Variants in PTCHD1 observed in about 807,000 individuals in gnomAD.
The protein encoded by PTCHD1 is patched domain containing 1.
A neutral mutation model predicts 34.6 loss-of-function variants in PTCHD1; 3 were observed. That is an observed-to-expected ratio of 0.09 (90% CI 0.04 to 0.22). The LOEUF (loss-of-function observed/expected upper bound fraction) is 0.22, where lower values mean the gene tolerates loss of function less well. Among genes scored for constraint, PTCHD1 ranks in the 10% least tolerant of loss-of-function variants. The pLI is 1.00. For synonymous variants in PTCHD1, 305 were observed against 283.1 expected (o/e 1.08, Z -0.77); for missense variants, 504 against 685.5 (o/e 0.74, Z 2.96).
intron 2 of PTCHD1, among the ~76,000 whole-genome samples, chrX:23,386,116 CA>C (rs1922681597): frequency 9.0e-6 from 1 of 110,897 alleles, no homozygotes; most frequent in South Asian, 3.7e-4. Context: ...GTTTATATAT[CA>C]CATTTGTATT....
rs1172802447 is a variant in PTCHD1 at position 23,393,466 on chromosome X, G to A, written c.1948G>A (p.Val650Met). 2 of 1,210,364 alleles carry A rather than the reference G, an allele frequency of 1.7e-6. No homozygotes were observed. The highest frequency in any genetic ancestry group is 1.1e-6 in the Non-Finnish European group (1 of 894,272). Reference protein sequence around the residue: ...VDVVASRMFLVAKTMETNREE... With the variant: ...VDVVASRMFLMAKTMETNREE... ...TGTAGTGGCCTCCAGAATGTTTTTG[G>A]TGGCCAAGACCATGGAAACAAACAG... Residue 650 changes from valine (V) to methionine (M), a missense_variant, in exon 3 of 3, where the codon GTG becomes ATG. Coordinates refer to ENST00000379361, the MANE Select transcript of PTCHD1 (RefSeq NM_173495.3).
At chrX:23,374,389 G>C (rs1050749872) in intron 1 of PTCHD1, among the ~76,000 whole-genome samples, 3 of 106,872 alleles carry the variant, frequency 2.8e-5, no homozygotes, top group South Asian at 8.5e-4. Flanking sequence ...CTCAGGAGCA[G>C]ATACATCCTT....
intron 1 of PTCHD1, among the ~76,000 whole-genome samples, chrX:23,376,741 C>T (rs897147171): frequency 8.9e-6 from 1 of 111,919 alleles, no homozygotes; most frequent in Non-Finnish European, 1.9e-5. Context: ...CCTACAGATT[C>T]CCCCTGCTAG....
rs760490881 is a variant in PTCHD1, at chrX:23,364,832, C to T, written c.352-14759C>T. On this transcript the variant is annotated intron_variant, in intron 1 of 2. Transcript: ENST00000379361. ...TGAGACCTTACCTGTTGAGATGATC[C>T]GGAAGGTTGCAAAGAGGCTTCTAAC... Among the ~76,000 whole-genome samples, 49 of 112,505 alleles carry T rather than the reference C, an allele frequency of 4.4e-4. 1 individual carries two copies. The highest frequency in any genetic ancestry group is 8.8e-4 in the Non-Finnish European group (47 of 53,283).
chrX:23,401,084 T>C lies in PTCHD1; in HGVS notation c.*6899T>C. 9.0e-6 allele frequency: 1 copy of C among 110,627 alleles called. No individual in the cohort carries two copies. The highest frequency in any genetic ancestry group is 1.9e-5 in the Non-Finnish European group (1 of 52,996). The allele number at this position is 110,627 out of a possible 1,213,427, so 9.1% of individuals were successfully genotyped here. ...TTAGTAGAGATGGGGTTTCACCGTGTTACCCATGATAGTCTCGATCTCCTA... is the reference window on the plus strand; with the variant it reads ...TTAGTAGAGATGGGGTTTCACCGTGCTACCCATGATAGTCTCGATCTCCTA... On this transcript the variant is annotated 3_prime_UTR_variant, in exon 3 of 3. Coordinates refer to ENST00000379361, the MANE Select transcript of PTCHD1 (RefSeq NM_173495.3).
At position 23,381,649 on chromosome X, in the gene PTCHD1, G is replaced by T. The variant is rs1032974948; in HGVS notation, c.1012+1398G>T. ...TCGATTCTCTGTGGCCCGAGGAATTGAAACCTAGTCAATAAACATATACTA... is the reference window on the plus strand; with the variant it reads ...TCGATTCTCTGTGGCCCGAGGAATTTAAACCTAGTCAATAAACATATACTA... On this transcript the variant is annotated intron_variant, in intron 2 of 2. Coordinates refer to ENST00000379361, the MANE Select transcript of PTCHD1 (RefSeq NM_173495.3). 7.1e-5 allele frequency among the ~76,000 whole-genome samples: 8 copies of T among 111,898 alleles called. No homozygotes were observed. In the Admixed American group the frequency reaches 7.6e-4, roughly 11 times the overall value.
At chrX:23,351,253 C>G (rs762022271) in intron 1 of PTCHD1, 4 of 779,978 alleles carry the variant, frequency 5.1e-6, no homozygotes, top group East Asian at 3.2e-5. Context: ...TAATGCTGCT[C>G]TATCCTCAGT....
At chrX:23,374,403 C>T (rs1460602561) in intron 1 of PTCHD1, among the ~76,000 whole-genome samples, 1 of 109,754 alleles carries the variant, frequency 9.1e-6, no homozygotes, top group Admixed American at 9.7e-5. Context: ...CATCCTTCCT[C>T]CCTTCTGTAC....
In PTCHD1 at chrX:23,358,588, T is replaced by C. The variant is rs1478852887; in HGVS notation, c.352-21003T>C. Among the ~76,000 whole-genome samples, 3 of 112,114 alleles carry C rather than the reference T, an allele frequency of 2.7e-5. No individual in the cohort carries two copies. In the Admixed American group the frequency reaches 2.8e-4, roughly 11 times the overall value. ...GTAAATTGCAAAAATTTTCTCCCAT[T>C]CTATAGGTTGCCTGTTCATTCTGAT... is the stretch of plus-strand genomic sequence containing the variant. On this transcript the variant is annotated intron_variant, in intron 1 of 2. Transcript: ENST00000379361.
At chrX:23,367,999 G>T (rs772842647) in intron 1 of PTCHD1, among the ~76,000 whole-genome samples, 1 of 110,555 alleles carries the variant, frequency 9.0e-6, no homozygotes, top group Non-Finnish European at 1.9e-5. Flanking sequence ...AAGTGTTCCA[G>T]TTTGGATGAT....
At chrX:23,336,375 G>A (rs1238563548) in intron 1 of PTCHD1, among the ~76,000 whole-genome samples, 1 of 111,294 alleles carries the variant, frequency 9.0e-6, no homozygotes, top group Non-Finnish European at 1.9e-5. Flanking sequence ...GAAGGTGATC[G>A]TTTTGTGTGA....
intron 1 of PTCHD1, among the ~76,000 whole-genome samples, chrX:23,362,044 T>C (rs1394578971): frequency 1.3e-4 from 15 of 112,541 alleles, no homozygotes; most frequent in African/African-American, 4.5e-4. Flanking sequence ...GGCTTCCCTT[T>C]GTGGGTAACC....
chrX:23,392,074 CTTT>C (rs763041195), intron 2 of PTCHD1, among the ~76,000 whole-genome samples: 1 of 52,349 alleles, frequency 1.9e-5, no homozygotes. Flanking sequence ...TTCTTTCTTT[CTTT>C]TTTTTTTTTT....
At chrX:23,351,862 C>CT (rs1342208509) in intron 1 of PTCHD1, among the ~76,000 whole-genome samples, 1 of 111,998 alleles carries the variant, frequency 8.9e-6, no homozygotes, top group Non-Finnish European at 1.9e-5. Context: ...ACAAATCACT[C>CT]TTTGAGGTAT....
intron 1 of PTCHD1, among the ~76,000 whole-genome samples, chrX:23,370,690 C>T (rs946619617): frequency 8.9e-6 from 1 of 111,846 alleles, no homozygotes; most frequent in African/African-American, 3.3e-5. Flanking sequence ...CCATTAGAAA[C>T]ATAGCAAATC....
In PTCHD1 at chrX:23,364,371, GACACACACACAC is replaced by G. The variant is rs200572986; in HGVS notation, c.352-15187_352-15176del. Among the ~76,000 whole-genome samples the G allele has an allele frequency of 4.1e-3, 381 of 91,996 alleles. 3 individuals are homozygous for G. The highest frequency in any genetic ancestry group is 0.034 in the Admixed American group (284 of 8,264). The allele number at this position is 91,996 out of a possible 115,157, so 79.9% of individuals were successfully genotyped here. On this transcript the variant is annotated intron_variant, in intron 1 of 2. Transcript: ENST00000379361. The stretch of plus-strand genomic sequence containing the variant: ...TCATACCTTAATTATGAAGAGTGTA[GACACACACACAC>G]ACACACACACACACACACACACACA...
At chrX:23,391,306 G>C (rs912071191) in intron 2 of PTCHD1, among the ~76,000 whole-genome samples, 20 of 111,553 alleles carry the variant, frequency 1.8e-4, no homozygotes, top group African/African-American at 5.9e-4. Flanking sequence ...GAAGCTAGCA[G>C]AGTCGCTGCT....
intron 1 of PTCHD1, among the ~76,000 whole-genome samples, chrX:23,350,239 A>T (rs1204919232): frequency 9.0e-6 from 1 of 110,933 alleles, no homozygotes; most frequent in Admixed American, 9.6e-5. Context: ...GCATTTCTCA[A>T]ATCTATTTGA....
At chrX:23,366,790 T>G (rs1016972408) in intron 1 of PTCHD1, among the ~76,000 whole-genome samples, 2 of 111,455 alleles carry the variant, frequency 1.8e-5, no homozygotes, top group Non-Finnish European at 3.8e-5. Flanking sequence ...CTCACATGGC[T>G]TCAGGTAAGA....
Sources: allele counts gnomAD v4.1 joint callset (sites outside exome capture counted in the v4.1 genomes callset), GRCh38; gene constraint gnomAD v4.1.1; transcripts MANE v1.5; gene names NCBI Gene and HGNC (gene_info 2026-07-23, HGNC 2026-07-21).